The following EPHA5 variants were observed in gnomAD, a reference collection of about 807,000 sequenced individuals.
EPHA5 encodes EPH receptor A5.
EPHA5 carries 60 observed loss-of-function variants against 105.0 expected under a neutral mutation model. That is an observed-to-expected ratio of 0.57 (90% CI 0.46 to 0.71). EPHA5 has a LOEUF of 0.71. Ranked by LOEUF, EPHA5 falls within the 30% of genes least tolerant of loss-of-function variation. The pLI, the probability that EPHA5 is intolerant of heterozygous loss-of-function variation, is 0.00. For missense variants in EPHA5, 1,218 were observed against 1,274.7 expected (o/e 0.96, Z 0.68); for synonymous variants, 513 against 449.1 (o/e 1.14, Z -1.80).
rs146062521 is a variant in EPHA5 at position 65,577,292 on chromosome 4, C to T, written c.910+24349G>A. Among the ~76,000 whole-genome samples, 11 of 152,026 alleles carry T rather than the reference C, an allele frequency of 7.2e-5. No homozygotes were observed. The East Asian group carries it at 1.9e-3, about 27-fold the overall frequency. On this transcript the variant is annotated intron_variant, in intron 3 of 16. Coordinates refer to ENST00000613740, the MANE Select transcript of EPHA5 (RefSeq NM_001281766.3). ...GCTGTTTTTAAAATGTCTTTTCTAC[C>T]TATTGAACCTCAGTATTTGCAGGTT... is the stretch of plus-strand genomic sequence containing the variant.
At chr4:65,608,013 T>C (rs1455681904) in intron 2 of EPHA5, among the ~76,000 whole-genome samples, 5 of 152,118 alleles carry the variant, frequency 3.3e-5, no homozygotes, top group Admixed American at 2.0e-4. Context: ...TACTAAACGA[T>C]GAGTTCATGT....
intron 3 of EPHA5, among the ~76,000 whole-genome samples, chr4:65,557,813 A>G (rs1429006211): frequency 6.6e-6 from 1 of 152,148 alleles, no homozygotes; most frequent in African/African-American, 2.4e-5. Flanking sequence ...CGAAAATGCA[A>G]AACAATAGCA....
chr4:65,496,174 T>C (rs190790980), intron 3 of EPHA5, among the ~76,000 whole-genome samples: 2 of 152,302 alleles, frequency 1.3e-5, no homozygotes, highest in African/African-American at 4.8e-5. Context: ...TATTCTAATA[T>C]CAGTAAGGCT....
rs1361993124 is a variant in EPHA5, at chr4:65,602,044, G to A, written c.507C>T (p.Asn169=). The change falls in exon 3 of 17, where the codon AAC becomes AAT. Residue 169 remains asparagine (N), a synonymous_variant. Transcript: ENST00000613740. The part of the protein sequence containing the change: ...DDQNGRNIKE[N]QYIKIDTIAA... ...CAATGGTATCAATTTTGATGTATTG[G>A]TTTTCCTTGATGTTTCTCCCATTCT... is the stretch of plus-strand genomic sequence containing the variant. The A allele has an allele frequency of 1.2e-6, 2 of 1,614,040 alleles. No individual in the cohort carries two copies. Among genetic ancestry groups the A allele is most frequent in the Non-Finnish European group, 1.7e-6 (2 of 1,179,996 alleles).
At chr4:65,459,736 T>C (rs1312885897) in intron 5 of EPHA5, among the ~76,000 whole-genome samples, 5 of 151,874 alleles carry the variant, frequency 3.3e-5, no homozygotes, top group African/African-American at 9.7e-5. Context: ...AATTTTTATA[T>C]TTATGCATTT....
chr4:65,610,613 C>T (rs74391418), intron 2 of EPHA5, among the ~76,000 whole-genome samples: 1,674 of 151,924 alleles, frequency 0.011, 34 homozygotes, highest in African/African-American at 0.038. Flanking sequence ...AGAACAAATG[C>T]AAACTATCAG....
intron 11 of EPHA5, among the ~76,000 whole-genome samples, chr4:65,357,116 C>A (rs1723373133): frequency 6.6e-6 from 1 of 151,388 alleles, no homozygotes; most frequent in African/African-American, 2.4e-5. Context: ...AGAAATTTAC[C>A]TTTATTATTG....
rs979457407 is a variant in EPHA5 at position 65,438,094 on chromosome 4, C to T, written c.1403-17529G>A. ...ATACTTGGAGGGAGCCTATCATGTG[C>T]CAGGCATTATTTTAATCGCTGGCAA... On this transcript the variant is annotated intron_variant, in intron 5 of 16. Transcript: ENST00000613740. Among the ~76,000 whole-genome samples the T allele has an allele frequency of 2.2e-4, 34 of 151,976 alleles. 1 individual carries two copies. Among genetic ancestry groups the T allele is most frequent in the Non-Finnish European group, 3.5e-4 (24 of 67,880 alleles).
chr4:65,520,005 T>C (rs901382022), intron 3 of EPHA5, among the ~76,000 whole-genome samples: 12 of 152,170 alleles, frequency 7.9e-5, no homozygotes, highest in Admixed American at 6.6e-4. Flanking sequence ...AATGACTTTC[T>C]TCACAGAATT....
intron 5 of EPHA5, among the ~76,000 whole-genome samples, chr4:65,483,672 C>T (rs1004886568): frequency 6.6e-6 from 1 of 152,056 alleles, no homozygotes; most frequent in Non-Finnish European, 1.5e-5. Flanking sequence ...ATTAGGGTCA[C>T]GTGATGAATG....
At chr4:65,533,332 A>T (rs1427267523) in intron 3 of EPHA5, among the ~76,000 whole-genome samples, 2 of 152,042 alleles carry the variant, frequency 1.3e-5, no homozygotes, top group East Asian at 3.9e-4. Flanking sequence ...TTATAAAACC[A>T]TTTTTTTGTG....
intron 3 of EPHA5, among the ~76,000 whole-genome samples, chr4:65,561,827 A>G (rs34766147): frequency 0.24 from 35,727 of 151,984 alleles, 4,322 homozygotes; most frequent in Admixed American, 0.27. Context: ...ATTTTTAAGT[A>G]AGATTGATAT....
At chr4:65,431,477 G>A (rs780399738) in intron 5 of EPHA5, among the ~76,000 whole-genome samples, 13 of 152,032 alleles carry the variant, frequency 8.6e-5, no homozygotes, top group Admixed American at 2.0e-4. Flanking sequence ...TTCCTTATTT[G>A]TACCAGCACA....
intron 3 of EPHA5, chr4:65,573,825 C>A: frequency 5.6e-6 from 9 of 1,613,588 alleles, no homozygotes; most frequent in Non-Finnish European, 7.6e-6. Context: ...AGATGTGCCT[C>A]GAAAGCTGTT....
At chr4:65,471,010 C>T (rs1729230912) in intron 5 of EPHA5, among the ~76,000 whole-genome samples, 1 of 152,156 alleles carries the variant, frequency 6.6e-6, no homozygotes, top group African/African-American at 2.4e-5. Context: ...TGAGCAGAAC[C>T]AATCCAGCTG....
chr4:65,416,915 A>T (rs948706738), intron 6 of EPHA5, among the ~76,000 whole-genome samples: 1 of 152,218 alleles, frequency 6.6e-6, no homozygotes, highest in African/African-American at 2.4e-5. Flanking sequence ...TACATATCAC[A>T]AACTTTATGT....
intron 2 of EPHA5, among the ~76,000 whole-genome samples, chr4:65,618,280 A>T (rs1485542811): frequency 1.3e-5 from 2 of 152,216 alleles, no homozygotes; most frequent in African/African-American, 4.8e-5. Context: ...TAAGCTGTAG[A>T]ATTTCATTAA....
Position 65,327,281 on chromosome 4 carries a change from T to C in EPHA5, c.2946-3062A>G, listed in dbSNP as rs928231494. Among the ~76,000 whole-genome samples the C allele has an allele frequency of 2.6e-5, 4 of 151,308 alleles. No homozygotes were observed. The Admixed American group carries it at 2.6e-4, about 10-fold the overall frequency. Reference sequence around the variant, plus strand: ...AGATTTTAAGTTAAATTTGTTTGAATTTTAACAGTGAACTAGGGATAAAAT... The same window carrying C: ...AGATTTTAAGTTAAATTTGTTTGAACTTTAACAGTGAACTAGGGATAAAAT... On this transcript the variant is annotated intron_variant, in intron 16 of 16. Coordinates refer to ENST00000613740, the MANE Select transcript of EPHA5 (RefSeq NM_001281766.3).
chr4:65,588,656 T>C (rs13144830), intron 3 of EPHA5, among the ~76,000 whole-genome samples: 55,800 of 151,994 alleles, frequency 0.37, 10,601 homozygotes, highest in African/African-American at 0.47. Flanking sequence ...TCTCTATTCC[T>C]ATAACATATA....
Sources: gnomAD v4.1 joint callset for allele counts (sites outside exome capture counted in the v4.1 genomes callset) on GRCh38, gnomAD v4.1.1 for gene constraint, MANE v1.5 for transcripts, NCBI Gene and HGNC (gene_info 2026-07-23, HGNC 2026-07-21) for gene names.